Variants in MTERF3 observed in about 807,000 individuals in gnomAD.
MTERF3 encodes the protein mitochondrial transcription termination factor 3, also known as transcription termination factor 3, mitochondrial.
In MTERF3, 40 loss-of-function variants were observed where a neutral mutation model predicts 40.5. That is an observed-to-expected ratio of 0.99 (90% CI 0.77 to 1.29). The LOEUF (loss-of-function observed/expected upper bound fraction) is 1.29, where lower values mean the gene tolerates loss of function less well. Among genes scored for constraint, MTERF3 ranks in the 50% most tolerant of loss-of-function variants. The probability of loss-of-function intolerance (pLI) is 0.00; values close to 1 mark genes in which losing one functional copy is unlikely to be tolerated. For missense variants in MTERF3, 452 were observed against 478.2 expected (o/e 0.95, Z 0.51); for synonymous variants, 158 against 166.6 (o/e 0.95, Z 0.40).
Position 96,243,010 on chromosome 8 carries a change from G to T in MTERF3, c.1059+909C>A, listed in dbSNP as rs1046471831. Among the ~76,000 whole-genome samples, 3 of 152,090 alleles carry T rather than the reference G, an allele frequency of 2.0e-5. No individual in the cohort carries two copies. In the East Asian group the frequency reaches 5.8e-4, roughly 29 times the overall value. On this transcript the variant is annotated intron_variant, in intron 7 of 7. Transcript: ENST00000287025. ...GTAGGCTTCTAACACTTCTATAATG[G>T]GTATATTTACGTTTGGTAAAATAGG...
chr8:96,251,070 T>G lies in MTERF3; in HGVS notation c.513A>C (p.Lys171Asn). ...LLGVDLSKIE[K>N]HPEAANLLLR... ...GAAGGAGGTTTGCTGCTTCTGGATG[T>G]TTTTCTATCTTGGACAAATCCACGC... The change falls in exon 4 of 8, where the codon AAA becomes AAC. Residue 171 changes from lysine to asparagine, a missense_variant. Coordinates refer to ENST00000287025, the MANE Select transcript of MTERF3 (RefSeq NM_015942.5). The G allele has an allele frequency of 6.3e-7, 1 of 1,586,110 alleles. No homozygotes were observed.
At chr8:96,250,619 A>T (rs991049277) in intron 4 of MTERF3, among the ~76,000 whole-genome samples, 1 of 11,430 alleles carries the variant, frequency 8.7e-5, no homozygotes, top group South Asian at 3.5e-3. Context: ...CTGAGGCAGA[A>T]GAAGAAGAAG....
At chr8:96,260,824 T>C (rs1337995471) in intron 1 of MTERF3, among the ~76,000 whole-genome samples, 1 of 152,262 alleles carries the variant, frequency 6.6e-6, no homozygotes, top group African/African-American at 2.4e-5. Flanking sequence ...GTCTCATCCC[T>C]GGATCCATCC....
intron 4 of MTERF3, among the ~76,000 whole-genome samples, chr8:96,247,442 G>A (rs1482419458): frequency 6.6e-6 from 1 of 151,978 alleles, no homozygotes; most frequent in Non-Finnish European, 1.5e-5. Context: ...GTAAAAGATG[G>A]TTTTACTAAA....
intron 4 of MTERF3, among the ~76,000 whole-genome samples, chr8:96,248,986 A>T (rs1278196020): frequency 3.9e-5 from 6 of 152,220 alleles, no homozygotes; most frequent in South Asian, 2.1e-4. Flanking sequence ...AGTAATTTTT[A>T]AAAATGTTCT....
At chr8:96,245,677 A>C (rs1810007304) in intron 6 of MTERF3, among the ~76,000 whole-genome samples, 183 bp downstream of exon 6, 1 of 152,220 alleles carries the variant, frequency 6.6e-6, no homozygotes, top group African/African-American at 2.4e-5. Context: ...TCAACGTGAA[A>C]ATATTAACTG....
In MTERF3 at chr8:96,246,299, T is replaced by C. The variant is rs747688495; in HGVS notation, c.825+8A>G. 6.3e-7 allele frequency: 1 copy of C among 1,586,350 alleles called. No homozygotes were observed. Among genetic ancestry groups the C allele is most frequent in the Admixed American group, 1.9e-5 (1 of 53,864 alleles). ...ATGGAAATAAACAAATTCTCTCCTTTTCTTTACCTTCTTCACACTAAGTTC... is the reference window on the plus strand; with the variant it reads ...ATGGAAATAAACAAATTCTCTCCTTCTCTTTACCTTCTTCACACTAAGTTC... On this transcript the variant is annotated splice_region_variant and intron_variant, in intron 5 of 7. Coordinates refer to ENST00000287025, the MANE Select transcript of MTERF3 (RefSeq NM_015942.5).
chr8:96,251,592 A>C (rs1810186666), intron 3 of MTERF3, among the ~76,000 whole-genome samples: 1 of 152,214 alleles, frequency 6.6e-6, no homozygotes, highest in Non-Finnish European at 1.5e-5. Flanking sequence ...TCATCGTTGT[A>C]ATCTCTAGGT....
intron 7 of MTERF3, among the ~76,000 whole-genome samples, chr8:96,242,363 C>G (rs528291994): frequency 1.9e-4 from 29 of 152,264 alleles, no homozygotes; most frequent in African/African-American, 6.5e-4. Flanking sequence ...ATAATTTCTT[C>G]TATTTGGAAA....
At position 96,251,003 on chromosome 8, in the gene MTERF3, A is replaced by G. The variant is rs1034960477; in HGVS notation, c.580T>C (p.Phe194Leu). 1.9e-6 allele frequency: 3 copies of G among 1,605,760 alleles called. No individual in the cohort carries two copies. The highest frequency in any genetic ancestry group is 3.5e-5 in the Admixed American group (2 of 57,472). Residue 194 changes from phenylalanine (F) to leucine (L), a missense_variant, in exon 4 of 8, where the codon TTT becomes CTT. Phe to Leu is a conservative substitution (Grantham distance 22). Coordinates refer to ENST00000287025, the MANE Select transcript of MTERF3 (RefSeq NM_015942.5). ...FEKDIKQMLL[F>L]LKDVGIEDNQ... Reference sequence around the variant, plus strand: ...TCCTCTATACCCACATCTTTAAGAAACAGAAGCATTTGCTTAATGTCTTTT... The same window carrying G: ...TCCTCTATACCCACATCTTTAAGAAGCAGAAGCATTTGCTTAATGTCTTTT...
intron 6 of MTERF3, 145 bp downstream of exon 6, chr8:96,245,715 A>T: frequency 1.4e-6 from 1 of 701,382 alleles, no homozygotes; most frequent in Non-Finnish European, 2.3e-6. Flanking sequence ...GACATTTGTT[A>T]AAGATAATTT....
chr8:96,240,411 A>C (rs1042403921), intron 7 of MTERF3, among the ~76,000 whole-genome samples: 1 of 152,122 alleles, frequency 6.6e-6, no homozygotes, highest in Non-Finnish European at 1.5e-5. Context: ...ATTATATAAA[A>C]ATGTATAAGA....
intron 4 of MTERF3, among the ~76,000 whole-genome samples, chr8:96,250,615 CAGAAGAAGAAGAAGAAGA>C (rs1183963835): frequency 1.3e-3 from 15 of 11,814 alleles, no homozygotes; most frequent in African/African-American, 3.6e-3. Flanking sequence ...GAGGCTGAGG[CAGAAGAAGAAGAAGAAGA>C]AGAAGAAGAA....
chr8:96,255,997 G>A (rs145971761), intron 3 of MTERF3, among the ~76,000 whole-genome samples: 239 of 152,250 alleles, frequency 1.6e-3, no homozygotes, highest in African/African-American at 4.7e-3. Context: ...AAAAACTGGG[G>A]TATTGGGTAT....
chr8:96,239,435 C>A lies in MTERF3; in HGVS notation c.*56G>T. Reference sequence around the variant, plus strand: ...GACCCGAGGCATTTAAAAATATATTCATTTATTCATATATATATTCACTTT... The same window carrying A: ...GACCCGAGGCATTTAAAAATATATTAATTTATTCATATATATATTCACTTT... On this transcript the variant is annotated 3_prime_UTR_variant, in exon 8 of 8. Transcript: ENST00000287025. 7.8e-7 allele frequency: 1 copy of A among 1,275,596 alleles called. No homozygotes were observed. The allele number at this position is 1,275,596 out of a possible 1,614,324, so 79.0% of individuals were successfully genotyped here. A position where few individuals can be genotyped will look rare whatever the true frequency, so the allele number is the denominator to read the frequency against.
intron 3 of MTERF3, among the ~76,000 whole-genome samples, chr8:96,255,213 C>A (rs1310312667): frequency 6.6e-6 from 1 of 151,976 alleles, no homozygotes; most frequent in Non-Finnish European, 1.5e-5. Context: ...CACTCAGTGA[C>A]AAATGAGGAC....
At chr8:96,254,077 C>T (rs1480660393) in intron 3 of MTERF3, among the ~76,000 whole-genome samples, 2 of 152,088 alleles carry the variant, frequency 1.3e-5, no homozygotes, top group African/African-American at 2.4e-5. Flanking sequence ...TGCCATAAGA[C>T]AGGGAAAGCT....
intron 7 of MTERF3, among the ~76,000 whole-genome samples, chr8:96,240,392 TAAG>T (rs1440550204): frequency 1.3e-5 from 2 of 152,174 alleles, no homozygotes; most frequent in Non-Finnish European, 2.9e-5. Context: ...TGTTAGAGAT[TAAG>T]ATGTTATTAT....
Position 96,239,693 on chromosome 8 carries a change from A to G in MTERF3, c.1060-8T>C, listed in dbSNP as rs1809885483. ...CAGCCTTGTATTAAATACCTAGAAA[A>G]GAAAAAAAAGTTTTTAAAAAACACT... is the stretch of plus-strand genomic sequence containing the variant. On this transcript the variant is annotated splice_polypyrimidine_tract_variant and splice_region_variant and intron_variant, in intron 7 of 7. Transcript: ENST00000287025. The G allele has an allele frequency of 6.4e-7, 1 of 1,566,332 alleles. No homozygotes were observed. Among genetic ancestry groups the G allele is most frequent in the Non-Finnish European group, 8.6e-7 (1 of 1,164,728 alleles).
Sources: allele counts gnomAD v4.1 joint callset (sites outside exome capture counted in the v4.1 genomes callset), GRCh38; gene constraint gnomAD v4.1.1; transcripts MANE v1.5; gene names NCBI Gene and HGNC (gene_info 2026-07-23, HGNC 2026-07-21).